Variants in PHACTR2 observed in about 807,000 individuals in gnomAD.
PHACTR2 encodes phosphatase and actin regulator 2.
In PHACTR2, 30 loss-of-function variants were observed where a neutral mutation model predicts 76.0. That is an observed-to-expected ratio of 0.39 (90% CI 0.30 to 0.54). PHACTR2 has a LOEUF of 0.54. Among genes scored for constraint, PHACTR2 ranks in the 20% least tolerant of loss-of-function variants. The probability of loss-of-function intolerance (pLI) is 0.61; values close to 1 mark genes in which losing one functional copy is unlikely to be tolerated. For missense variants in PHACTR2, 696 were observed against 781.1 expected (o/e 0.89, Z 1.30); for synonymous variants, 292 against 292.5 (o/e 1.00, Z 0.02).
In PHACTR2 at chr6:143,830,412, T is replaced by A. The variant is rs751481468; in HGVS notation, c.*6723T>A. On this transcript the variant is annotated 3_prime_UTR_variant, in exon 13 of 13. Transcript: ENST00000440869. ...GATCATTATCAGACTGACTGAATGC[T>A]TTCTGATTTCCAGTGAGTGATCTAG... The A allele has an allele frequency of 3.9e-5, 6 of 152,160 alleles. No individual in the cohort carries two copies. The highest frequency in any genetic ancestry group is 1.3e-4 in the Admixed American group (2 of 15,264). The allele number at this position is 152,160 out of a possible 1,614,324, so 9.4% of individuals were successfully genotyped here.
At position 143,619,058 on chromosome 6, in the gene PHACTR2, AT is replaced by A. The variant is rs1776107809; in HGVS notation, c.13+10738del. Among the ~76,000 whole-genome samples, 1 of 152,162 alleles carries A rather than the reference AT, an allele frequency of 6.6e-6. No homozygotes were observed. The highest frequency in any genetic ancestry group is 1.5e-5 in the Non-Finnish European group (1 of 68,036). On this transcript the variant is annotated intron_variant, in intron 1 of 11. Coordinates refer to the PHACTR2 transcript ENST00000305766. This position sits in a 1 kb window ranked among gnomAD's most constrained non-coding sequence, Gnocchi z 4.5. ...AAACTCTGAATTAATTCTTACTGGA[AT>A]TGAATGCTGTGGCCATATGCAATTT...
Position 143,765,581 on chromosome 6 carries a change from C to A in PHACTR2, c.1015C>A (p.Pro339Thr), listed in dbSNP as rs199622615. ...GKFKSMVPPP[P>T]VAPAPSPLAP... ...ATTCAAGTCCATGGTCCCTCCACCC[C>A]CTGTGGCTCCAGCACCTTCTCCTCT... The change falls in exon 6 of 13, where the codon CCT becomes ACT. Residue 339 changes from proline to threonine, a missense_variant. Physicochemically the swap from Pro to Thr is conservative, Grantham distance 38. Transcript: ENST00000440869. The surrounding 1 kb of genome is among the most constrained non-coding windows in gnomAD (Gnocchi z 4.1). 1.9e-4 allele frequency: 305 copies of A among 1,614,040 alleles called. No homozygotes were observed. Among genetic ancestry groups the A allele is most frequent in the African/African-American group, 8.8e-4 (66 of 75,048 alleles).
At position 143,648,352 on chromosome 6, in the gene PHACTR2, A is replaced by G. The variant is rs17072850; in HGVS notation, c.13+40030A>G. On this transcript the variant is annotated intron_variant, in intron 1 of 11. Coordinates refer to the PHACTR2 transcript ENST00000305766. This position sits in a 1 kb window ranked among gnomAD's most constrained non-coding sequence, Gnocchi z 6.7. ...CATCACTTTGCCTTATTATTTACTA[A>G]GCGTTCATCATAGTTCTAAATAGAT... is the stretch of plus-strand genomic sequence containing the variant. 0.069 allele frequency among the ~76,000 whole-genome samples: 10,571 copies of G among 152,226 alleles called. 744 individuals are homozygous for G. The highest frequency in any genetic ancestry group is 0.18 in the African/African-American group (7,500 of 41,494).
Position 143,828,609 on chromosome 6 carries a change from G to A in PHACTR2, c.*4920G>A, listed in dbSNP as rs1490895677. The A allele has an allele frequency of 6.6e-6, 1 of 152,124 alleles. No homozygotes were observed. The highest frequency in any genetic ancestry group is 1.5e-5 in the Non-Finnish European group (1 of 68,034). 9.4% of individuals were successfully genotyped at this position (152,124 alleles called of 1,614,324 possible). On this transcript the variant is annotated 3_prime_UTR_variant, in exon 13 of 13. Transcript: ENST00000440869. The surrounding 1 kb of genome is among the most constrained non-coding windows in gnomAD (Gnocchi z 4.7). ...CCTAAAGCCAACCCTATAAGGATGG[G>A]TCATTTTTTAGCCATGCTAGGATTT...
rs1382574734 is a variant in PHACTR2, at chr6:143,546,851, C to G, written c.217+9644C>G. Among the ~76,000 whole-genome samples the G allele has an allele frequency of 7.6e-6, 1 of 132,064 alleles. No homozygotes were observed. The highest frequency in any genetic ancestry group is 1.6e-5 in the Non-Finnish European group (1 of 61,420). The allele number at this position is 132,064 out of a possible 152,430, so 86.6% of individuals were successfully genotyped here. ...GACAAGCCTGGGCAACATAGTGAGA[C>G]CCCATCTCAAAAAAAAAAAAAATAA... On this transcript the variant is annotated intron_variant, in intron 1 of 11. Transcript: ENST00000367584. The surrounding 1 kb of genome is among the most constrained non-coding windows in gnomAD (Gnocchi z 4.9).
Position 143,722,078 on chromosome 6 carries a change from G to A in PHACTR2, c.214+9895G>A, listed in dbSNP as rs1484483458. Among the ~76,000 whole-genome samples the A allele has an allele frequency of 1.3e-5, 2 of 152,164 alleles. No homozygotes were observed. Among genetic ancestry groups the A allele is most frequent in the Non-Finnish European group, 2.9e-5 (2 of 68,024 alleles). ...AGAGGAATTTACCAGTAAGAATTAA[G>A]CATCTTGTAAATGTCTAGGGAGCTG... On this transcript the variant is annotated intron_variant, in intron 2 of 12. Transcript: ENST00000440869. The surrounding 1 kb of genome is among the most constrained non-coding windows in gnomAD (Gnocchi z 4.1).
In PHACTR2 at chr6:143,765,805, T is replaced by G. The variant is rs1471843807; in HGVS notation, c.1232+7T>G. ...ACAGAGAAAATGCAAAATGGTGAGT[T>G]GGGGAACAAACCCCCTATTTTATCT... On this transcript the variant is annotated splice_region_variant and intron_variant, in intron 6 of 12. Transcript: ENST00000440869. The surrounding 1 kb of genome is among the most constrained non-coding windows in gnomAD (Gnocchi z 4.1). 1.9e-6 allele frequency: 3 copies of G among 1,599,744 alleles called. No homozygotes were observed. The highest frequency in any genetic ancestry group is 2.6e-6 in the Non-Finnish European group (3 of 1,169,080).
rs935361708 is a variant in PHACTR2 at position 143,658,111 on chromosome 6, G to T, written c.13+49789G>T. Among the ~76,000 whole-genome samples, 1 of 152,094 alleles carries T rather than the reference G, an allele frequency of 6.6e-6. No homozygotes were observed. The highest frequency in any genetic ancestry group is 6.6e-5 in the Admixed American group (1 of 15,258). On this transcript the variant is annotated intron_variant, in intron 1 of 11. Transcript: ENST00000305766. This position sits in a 1 kb window ranked among gnomAD's most constrained non-coding sequence, Gnocchi z 4.1. Reference sequence around the variant, plus strand: ...AAGCTGCTATGAACATTCCTAAACTGGTCTTTTTATGGATATATGTTTTTA... The same window carrying T: ...AAGCTGCTATGAACATTCCTAAACTTGTCTTTTTATGGATATATGTTTTTA...
intron 12 of PHACTR2, among the ~76,000 whole-genome samples, chr6:143,812,762 A>G (rs1367280458): frequency 6.6e-6 from 1 of 152,196 alleles, no homozygotes; most frequent in Non-Finnish European, 1.5e-5. Context: ...CACTCAGCCC[A>G]CTGTTCAAAA....
intron 1 of PHACTR2, among the ~76,000 whole-genome samples, chr6:143,702,573 A>G (rs938584867): frequency 1.3e-5 from 2 of 152,264 alleles, no homozygotes; most frequent in African/African-American, 4.8e-5. Flanking sequence ...CTCTTTCACT[A>G]GTTAACAATT....
rs1777464225 is a variant in PHACTR2, at chr6:143,684,294, C to T, written c.46+6085C>T. ...GTTCTTCCCTTGACTTTCTACATTT[C>T]ACCAAATGATACCCCAACCACTCAC... On this transcript the variant is annotated intron_variant, in intron 1 of 12. Coordinates refer to ENST00000440869, the MANE Select transcript of PHACTR2 (RefSeq NM_001100164.2). This position sits in a 1 kb window ranked among gnomAD's most constrained non-coding sequence, Gnocchi z 4.3. Among the ~76,000 whole-genome samples the T allele has an allele frequency of 6.6e-6, 1 of 152,140 alleles. No individual in the cohort carries two copies. The highest frequency in any genetic ancestry group is 1.5e-5 in the Non-Finnish European group (1 of 68,028).
intron 1 of PHACTR2, among the ~76,000 whole-genome samples, chr6:143,636,280 A>G (rs928100003): frequency 1.3e-5 from 2 of 151,546 alleles, no homozygotes; most frequent in Non-Finnish European, 2.9e-5. Flanking sequence ...TGTTATATGC[A>G]TGAAAGGTTA....
rs1039545001 is a variant in PHACTR2 at position 143,581,193 on chromosome 6, G to A, written c.217+43986G>A. On this transcript the variant is annotated intron_variant, in intron 1 of 11. Coordinates refer to the PHACTR2 transcript ENST00000367584. This position sits in a 1 kb window ranked among gnomAD's most constrained non-coding sequence, Gnocchi z 4.5. ...TCTAGAACTTTACCCTTGTTCTCAAGTCTCCGTGTGGACAGGGGATGAGGG... is the reference window on the plus strand; with the variant it reads ...TCTAGAACTTTACCCTTGTTCTCAAATCTCCGTGTGGACAGGGGATGAGGG... Among the ~76,000 whole-genome samples the A allele has an allele frequency of 1.3e-5, 2 of 152,194 alleles. No homozygotes were observed. The highest frequency in any genetic ancestry group is 4.8e-5 in the African/African-American group (2 of 41,450).
chr6:143,624,614 T>A lies in PHACTR2; in HGVS notation c.13+16292T>A, dbSNP rs1258682264. Among the ~76,000 whole-genome samples, 1 of 152,166 alleles carries A rather than the reference T, an allele frequency of 6.6e-6. No homozygotes were observed. Among genetic ancestry groups the A allele is most frequent in the Admixed American group, 6.5e-5 (1 of 15,276 alleles). ...GCAGTTTATTTTCATGGTATGCGGC[T>A]TTTTTCACATGGCTAAATTCCAGCC... is the stretch of plus-strand genomic sequence containing the variant. On this transcript the variant is annotated intron_variant, in intron 1 of 11. Transcript: ENST00000305766. The surrounding 1 kb of genome is among the most constrained non-coding windows in gnomAD (Gnocchi z 4.6).
upstream of PHACTR2, among the ~76,000 whole-genome samples, chr6:143,673,793 C>T (rs368025664): frequency 7.9e-5 from 12 of 151,146 alleles, no homozygotes; most frequent in East Asian, 2.0e-3. Context: ...AGCAAGCACA[C>T]GTGAGCCACA....
rs1367088840 is a variant in PHACTR2, at chr6:143,570,042, C to G, written c.217+32835C>G. Among the ~76,000 whole-genome samples the G allele has an allele frequency of 3.3e-5, 5 of 152,074 alleles. No homozygotes were observed. Among genetic ancestry groups the G allele is most frequent in the Non-Finnish European group, 7.4e-5 (5 of 68,014 alleles). ...TATAAAAAATGTTTAAATCTAGGAA[C>G]CTAAATAATAAAAGTCCCAGTCCAA... On this transcript the variant is annotated intron_variant, in intron 1 of 11. Transcript: ENST00000367584. This position sits in a 1 kb window ranked among gnomAD's most constrained non-coding sequence, Gnocchi z 4.6.
Position 143,830,358 on chromosome 6 carries a change from C to T in PHACTR2, c.*6669C>T. On this transcript the variant is annotated 3_prime_UTR_variant, in exon 13 of 13. Transcript: ENST00000440869. The stretch of plus-strand genomic sequence containing the variant: ...TGCATTCTTTTGTTATTTCACACTT[C>T]AGTTAAAGTGATAACAATGGTAAAC... The T allele has an allele frequency of 6.8e-6, 1 of 146,670 alleles. No homozygotes were observed. The highest frequency in any genetic ancestry group is 2.5e-5 in the African/African-American group (1 of 39,686). 9.1% of individuals were successfully genotyped at this position (146,670 alleles called of 1,614,324 possible).
intron 1 of PHACTR2, among the ~76,000 whole-genome samples, chr6:143,568,376 T>C (rs1219670976): frequency 2.0e-5 from 3 of 152,226 alleles, no homozygotes; most frequent in Non-Finnish European, 4.4e-5. Context: ...GGTGTTAATG[T>C]CTATCTTTAG....
At chr6:143,762,162 CTTA>C (rs1779457865) in intron 5 of PHACTR2, among the ~76,000 whole-genome samples, 1 of 152,158 alleles carries the variant, frequency 6.6e-6, no homozygotes, top group African/African-American at 2.4e-5. Context: ...TGATCTTCTT[CTTA>C]AAGAACAGCC....
Sources: gnomAD v4.1 joint callset for allele counts (sites outside exome capture counted in the v4.1 genomes callset) on GRCh38, gnomAD v4.1.1 for gene constraint, Gnocchi (gnomAD v3.1) non-coding constraint, MANE v1.5 for transcripts, NCBI Gene and HGNC (gene_info 2026-07-23, HGNC 2026-07-21) for gene names.